HTR3B: variants seen among roughly 807,000 people sequenced by gnomAD.
HTR3B encodes 5-hydroxytryptamine (serotonin) receptor 3B, ionotropic.
A neutral mutation model predicts 42.8 loss-of-function variants in HTR3B; 44 were observed. The observed-to-expected ratio is 1.03, with a 90% CI of 0.81 to 1.32. The LOEUF is 1.32. Among genes scored for constraint, HTR3B ranks in the 40% most tolerant of loss-of-function variants. The pLI is 0.00. For synonymous variants in HTR3B, 203 were observed against 209.0 expected, an observed-to-expected ratio of 0.97 and a Z score of 0.25; for missense variants, 527 against 536.5, an observed-to-expected ratio of 0.98 and a Z score of 0.17.
Position 113,946,288 on chromosome 11 carries a change from C to T in HTR3B, c.*151C>T, listed in dbSNP as rs1437288834. The T allele has an allele frequency of 3.2e-6, 2 of 626,258 alleles. No individual in the cohort carries two copies. The highest frequency in any genetic ancestry group is 1.8e-5 in the South Asian group (1 of 54,556). The allele number at this position is 626,258 out of a possible 1,614,324, so 38.8% of individuals were successfully genotyped here. Reference sequence around the variant, plus strand: ...GGCCATAGCAGGAGGATTGCTTGAGCCCAGGAGTTCGAGACCAGCCAGAGC... The same window carrying T: ...GGCCATAGCAGGAGGATTGCTTGAGTCCAGGAGTTCGAGACCAGCCAGAGC... On this transcript the variant is annotated 3_prime_UTR_variant, in exon 9 of 9. Coordinates refer to ENST00000260191, the MANE Select transcript of HTR3B (RefSeq NM_006028.5).
chr11:113,909,918 A>G (rs992478658), intron 2 of HTR3B, among the ~76,000 whole-genome samples: 2 of 135,312 alleles, frequency 1.5e-5, no homozygotes, highest in Non-Finnish European at 3.1e-5. Flanking sequence ...TGGGTGGTTG[A>G]GGCTGCAATG....
intron 1 of HTR3B, 65 bp downstream of exon 1, chr11:113,905,050 T>C: frequency 1.8e-6 from 2 of 1,136,438 alleles, no homozygotes; most frequent in Non-Finnish European, 2.7e-6. Flanking sequence ...AGACAATATT[T>C]GTATACACCG....
intron 5 of HTR3B, 132 bp from the exon 6 acceptor site, chr11:113,932,804 C>A: frequency 1.2e-6 from 1 of 867,668 alleles, no homozygotes; most frequent in Non-Finnish European, 1.8e-6. Context: ...CCCCCTAATT[C>A]AAATAAGGCC....
At chr11:113,909,927 T>G (rs1214543976) in intron 2 of HTR3B, among the ~76,000 whole-genome samples, 1 of 134,494 alleles carries the variant, frequency 7.4e-6, no homozygotes, top group African/African-American at 2.9e-5. Flanking sequence ...GAGGCTGCAA[T>G]GAGCCATGAT....
intron 2 of HTR3B, among the ~76,000 whole-genome samples, chr11:113,920,090 G>A (rs563050577): frequency 6.3e-4 from 95 of 151,690 alleles, no homozygotes; most frequent in African/African-American, 1.8e-3. Context: ...GTGCAATGGC[G>A]TGATCTTGGC....
intron 2 of HTR3B, 31 bp downstream of exon 2, chr11:113,909,486 GT>G: frequency 6.3e-7 from 1 of 1,591,784 alleles, no homozygotes; most frequent in Non-Finnish European, 8.6e-7. Context: ...TCCTATTCTT[GT>G]TAACGTCTTT....
chr11:113,929,425 T>C (rs911609921), intron 2 of HTR3B, among the ~76,000 whole-genome samples: 3 of 152,164 alleles, frequency 2.0e-5, no homozygotes, highest in Admixed American at 1.3e-4. Flanking sequence ...TTTCTGACTT[T>C]CAGATGGTCA....
intron 2 of HTR3B, among the ~76,000 whole-genome samples, chr11:113,911,551 G>T (rs1189983738): frequency 6.6e-6 from 1 of 151,342 alleles, no homozygotes; most frequent in Non-Finnish European, 1.5e-5. Flanking sequence ...TTTTGAGATG[G>T]AGTCTCACTC....
chr11:113,944,812 T>C, intron 8 of HTR3B, 57 bp downstream of exon 8: 1 of 1,540,792 alleles, frequency 6.5e-7, no homozygotes, highest in East Asian at 2.3e-5. Context: ...TAAAAATTCA[T>C]TCCCGTTGAT....
chr11:113,932,277 T>C lies in HTR3B; in HGVS notation c.369-12T>C. 1 of 1,600,814 alleles carries C rather than the reference T, an allele frequency of 6.2e-7. No homozygotes were observed. The highest frequency in any genetic ancestry group is 8.5e-7 in the Non-Finnish European group (1 of 1,171,494). ...CTCTCTGTGACAACAAGTTCTCTTG[T>C]GTTTCATATAGTGTGGACATTGAAA... On this transcript the variant is annotated splice_polypyrimidine_tract_variant and intron_variant, in intron 4 of 8. Transcript: ENST00000260191.
At chr11:113,944,870 GCTT>G (rs1950164962) in intron 8 of HTR3B, 115 bp downstream of exon 8, 1 of 908,850 alleles carries the variant, frequency 1.1e-6, no homozygotes, top group Non-Finnish European at 1.6e-6. Context: ...TACAACAACT[GCTT>G]CTTAGCCTGG....
chr11:113,916,466 T>C (rs1225332685), intron 2 of HTR3B, among the ~76,000 whole-genome samples: 4 of 152,216 alleles, frequency 2.6e-5, no homozygotes, highest in African/African-American at 9.6e-5. Flanking sequence ...ATGGAAGTCT[T>C]GAAATAAGAT....
intron 1 of HTR3B, 149 bp downstream of exon 1, chr11:113,905,134 A>G (rs754637145): frequency 9.9e-6 from 6 of 608,060 alleles, no homozygotes; most frequent in Non-Finnish European, 1.7e-5. Flanking sequence ...AGCTATATGG[A>G]AAACAATGAT....
chr11:113,905,205 G>A (rs558057209), intron 1 of HTR3B, among the ~76,000 whole-genome samples: 2 of 152,278 alleles, frequency 1.3e-5, no homozygotes, highest in Non-Finnish European at 2.9e-5. Flanking sequence ...AGACTGTGGG[G>A]CTTTTTACAC....
chr11:113,921,828 A>G (rs78249783), intron 2 of HTR3B, among the ~76,000 whole-genome samples: 2,873 of 152,300 alleles, frequency 0.019, 100 homozygotes, highest in African/African-American at 0.065. Flanking sequence ...CTTTTTAAAG[A>G]TGTGGGATTT....
chr11:113,932,371 G>T lies in HTR3B; in HGVS notation c.451G>T (p.Val151Leu). 6.2e-7 allele frequency: 1 copy of T among 1,613,744 alleles called. No individual in the cohort carries two copies. The highest frequency in any genetic ancestry group is 8.5e-7 in the Non-Finnish European group (1 of 1,179,660). ...CATTGAGAACTATAAGCCCATCCAG[G>T]TGGTCTCTGCGTGCAGTTTAGAGAC... is the stretch of plus-strand genomic sequence containing the variant. ...GTIENYKPIQ[V>L]VSACSLETYA... The change falls in exon 5 of 9, where the codon GTG (valine) becomes TTG (leucine). Residue 151 changes from valine to leucine, a missense_variant. Val to Leu is a conservative substitution (Grantham distance 32). Transcript: ENST00000260191.
chr11:113,904,715 A>G, upstream of HTR3B: 1 of 507,252 alleles, frequency 2.0e-6, no homozygotes, highest in South Asian at 2.6e-5. Flanking sequence ...GGAGAAGTTA[A>G]GGGATTTCAT....
chr11:113,904,649 T>A (rs1242669618), upstream of HTR3B: 1 of 371,636 alleles, frequency 2.7e-6, no homozygotes, highest in African/African-American at 2.1e-5. Flanking sequence ...CTTAGCTATC[T>A]CCTGTCAGGA....
chr11:113,917,053 A>G (rs768152716), intron 2 of HTR3B, among the ~76,000 whole-genome samples: 2 of 151,868 alleles, frequency 1.3e-5, no homozygotes, highest in Non-Finnish European at 2.9e-5. Context: ...TAGGGCCTCC[A>G]GTACAATGTT....
Sources: gnomAD v4.1 joint callset for allele counts (sites outside exome capture counted in the v4.1 genomes callset) on GRCh38, gnomAD v4.1.1 for gene constraint, MANE v1.5 for transcripts, NCBI Gene and HGNC (gene_info 2026-07-23, HGNC 2026-07-21) for gene names.